ELMO1: variants seen among roughly 807,000 people sequenced by gnomAD.
The protein encoded by ELMO1 is engulfment and cell motility 1.
In ELMO1, 26 loss-of-function variants were observed where a neutral mutation model predicts 98.9. The ratio of observed to expected loss-of-function variants is 0.26; its 90% CI spans 0.19 to 0.36. ELMO1 has a LOEUF of 0.36. Among genes scored for constraint, ELMO1 ranks in the 10% least tolerant of loss-of-function variants. ELMO1 has a pLI of 1.00. For synonymous variants in ELMO1, 346 were observed against 346.0 expected (o/e 1.00, Z 0.00); for missense variants, 627 against 935.2 (o/e 0.67, Z 4.30).
intron 16 of ELMO1, among the ~76,000 whole-genome samples, chr7:36,995,820 G>A (rs970058): frequency 0.2 from 30,541 of 152,012 alleles, 3,331 homozygotes; most frequent in Middle Eastern, 0.37. Flanking sequence ...GATTCTAAAT[G>A]GCTGTATTAT....
intron 1 of ELMO1, among the ~76,000 whole-genome samples, chr7:37,384,968 T>C (rs1802734807): frequency 6.6e-6 from 1 of 152,244 alleles, no homozygotes; most frequent in African/African-American, 2.4e-5. Flanking sequence ...TGCAGAATTA[T>C]TTGACAATAT....
intron 20 of ELMO1, among the ~76,000 whole-genome samples, chr7:36,864,169 G>A (rs755235554): frequency 1.3e-5 from 2 of 152,218 alleles, no homozygotes; most frequent in Non-Finnish European, 2.9e-5. Flanking sequence ...GGTGTGAACA[G>A]CACTGCAGCC....
At chr7:36,926,068 G>T (rs372888093) in intron 16 of ELMO1, among the ~76,000 whole-genome samples, 3 of 152,192 alleles carry the variant, frequency 2.0e-5, no homozygotes, top group African/African-American at 7.2e-5. Context: ...TCCATCCCCA[G>T]AACCCAGCTT....
At chr7:37,090,804 T>C (rs1472519982) in intron 15 of ELMO1, among the ~76,000 whole-genome samples, 1 of 152,220 alleles carries the variant, frequency 6.6e-6, no homozygotes, top group Non-Finnish European at 1.5e-5. Context: ...AATGTAATGT[T>C]ACAAATGGAA....
intron 14 of ELMO1, among the ~76,000 whole-genome samples, chr7:37,107,986 A>C (rs1785036667): frequency 6.6e-6 from 1 of 152,208 alleles, no homozygotes. Context: ...CAAATAATAA[A>C]TTGGCCATTT....
At chr7:36,871,259 C>T in intron 19 of ELMO1, among the ~76,000 whole-genome samples, 1 of 152,266 alleles carries the variant, frequency 6.6e-6, no homozygotes, top group South Asian at 2.1e-4. Flanking sequence ...AGGCTGGGAA[C>T]AGTGAGTGGC....
chr7:36,939,654 C>T (rs536218081), intron 16 of ELMO1, among the ~76,000 whole-genome samples: 7 of 152,342 alleles, frequency 4.6e-5, no homozygotes, highest in African/African-American at 1.7e-4. Context: ...CACATATAGA[C>T]AAGGGTTCCC....
chr7:37,288,753 A>C (rs542838973), intron 4 of ELMO1, among the ~76,000 whole-genome samples: 7 of 152,224 alleles, frequency 4.6e-5, no homozygotes, highest in African/African-American at 1.7e-4. Flanking sequence ...TGGAGGATGA[A>C]AGGCCTTAAG....
chr7:37,297,200 G>C (rs1178598512), intron 4 of ELMO1, among the ~76,000 whole-genome samples: 1 of 152,110 alleles, frequency 6.6e-6, no homozygotes, highest in Non-Finnish European at 1.5e-5. Flanking sequence ...CATTATCAGA[G>C]TTTACGCTGA....
chr7:36,951,204 G>C (rs1171381460), intron 16 of ELMO1, among the ~76,000 whole-genome samples: 3 of 152,160 alleles, frequency 2.0e-5, no homozygotes, highest in Non-Finnish European at 2.9e-5. Flanking sequence ...CTCAGCAATA[G>C]AGATCATCTT....
intron 8 of ELMO1, among the ~76,000 whole-genome samples, chr7:37,225,626 C>T (rs1378239255): frequency 6.6e-6 from 1 of 152,226 alleles, no homozygotes; most frequent in Non-Finnish European, 1.5e-5. Context: ...TTCTTTTCAT[C>T]TCTCCCAAAT....
chr7:36,989,643 C>G (rs955801624), intron 16 of ELMO1, among the ~76,000 whole-genome samples: 1 of 152,194 alleles, frequency 6.6e-6, no homozygotes, highest in Admixed American at 6.5e-5. Flanking sequence ...GTAAGATCAT[C>G]TTTCTTTTGA....
chr7:36,950,199 C>T (rs116975312), intron 16 of ELMO1, among the ~76,000 whole-genome samples: 11 of 152,304 alleles, frequency 7.2e-5, no homozygotes, highest in East Asian at 3.9e-4. Context: ...TGGAGATGAG[C>T]GACTCCTGAC....
chr7:36,958,238 A>G (rs1788631186), intron 16 of ELMO1, among the ~76,000 whole-genome samples: 1 of 152,180 alleles, frequency 6.6e-6, no homozygotes, highest in Non-Finnish European at 1.5e-5. Context: ...TAGCAAAACC[A>G]ACCTAGCTTA....
chr7:37,436,350 C>T (rs1233774492), intron 1 of ELMO1, among the ~76,000 whole-genome samples: 1 of 152,148 alleles, frequency 6.6e-6, no homozygotes, highest in Admixed American at 6.5e-5. Flanking sequence ...AATAAAGTGA[C>T]CAGAAATTTT....
intron 4 of ELMO1, among the ~76,000 whole-genome samples, chr7:37,304,995 G>A (rs1297111227): frequency 6.6e-6 from 1 of 152,154 alleles, no homozygotes; most frequent in African/African-American, 2.4e-5. Context: ...GGGTAGGGGA[G>A]AAAATATCGG....
intron 16 of ELMO1, among the ~76,000 whole-genome samples, chr7:36,902,300 A>G (rs1204028785): frequency 6.6e-6 from 1 of 152,244 alleles, no homozygotes; most frequent in African/African-American, 2.4e-5. Context: ...CAGTAACAAG[A>G]GAACTCAGCA....
chr7:37,196,286 G>A (rs1791959759), intron 13 of ELMO1, among the ~76,000 whole-genome samples: 1 of 152,202 alleles, frequency 6.6e-6, no homozygotes, highest in African/African-American at 2.4e-5. Flanking sequence ...CTGGCGTCAG[G>A]GTGAAAGGGG....
At chr7:37,102,968 C>T (rs1338085460) in intron 14 of ELMO1, among the ~76,000 whole-genome samples, 2 of 152,210 alleles carry the variant, frequency 1.3e-5, no homozygotes, top group Non-Finnish European at 2.9e-5. Context: ...CTATTTCTAA[C>T]AGACAAAGTC....
Sources: allele counts gnomAD v4.1 joint callset (sites outside exome capture counted in the v4.1 genomes callset), GRCh38; gene constraint gnomAD v4.1.1; transcripts MANE v1.5; gene names NCBI Gene and HGNC (gene_info 2026-07-23, HGNC 2026-07-21).